SLU7: variants seen among roughly 807,000 people sequenced by gnomAD.
SLU7 encodes pre-mRNA-splicing factor SLU7.
In SLU7, 60 loss-of-function variants were observed where a neutral mutation model predicts 87.0. The observed-to-expected ratio is 0.69, with a 90% confidence interval of 0.56 to 0.86. The LOEUF is 0.86. SLU7 is among the 40% of genes least tolerant of loss of function. The probability of loss-of-function intolerance (pLI) is 0.00; values close to 1 mark genes in which losing one functional copy is unlikely to be tolerated. For missense variants in SLU7, 507 were observed against 686.6 expected, an observed-to-expected ratio of 0.74 and a Z score of 2.92; for synonymous variants, 197 against 222.0, an observed-to-expected ratio of 0.89 and a Z score of 1.00.
At chr5:160,412,339 A>G (rs140191867) in intron 6 of SLU7, 112 bp downstream of exon 6, 2 of 689,144 alleles carry the variant, frequency 2.9e-6, no homozygotes, top group Non-Finnish European at 5.0e-6. Context: ...TTTTCCCCCA[A>G]TAGCATTTCT....
In SLU7 at chr5:160,407,761, T is replaced by C; in HGVS notation, c.970A>G (p.Met324Val). ...AAACACTTACACTGTGTCTGAGCCA[T>C]TGAAATGGTATCTCCTGTGTACCTA... is the stretch of plus-strand genomic sequence containing the variant. Reference protein sequence around the residue: ...FVRYTGDTISMAQTQLFAWEA... With the variant: ...FVRYTGDTISVAQTQLFAWEA... The change falls in exon 10 of 16, where the codon ATG becomes GTG. Residue 324 changes from methionine to valine, a missense_variant. Transcript: ENST00000297151. This position sits in a 1 kb window ranked among gnomAD's most constrained non-coding sequence, Gnocchi z 4.2. 1 of 1,613,222 alleles carries C rather than the reference T, an allele frequency of 6.2e-7. No homozygotes were observed. Among genetic ancestry groups the C allele is most frequent in the Non-Finnish European group, 8.5e-7 (1 of 1,179,198 alleles).
chr5:160,406,816 A>G (rs527825103), intron 11 of SLU7, among the ~76,000 whole-genome samples, 187 bp from the exon 12 acceptor site: 1 of 152,344 alleles, frequency 6.6e-6, no homozygotes, highest in Admixed American at 6.5e-5. Flanking sequence ...CTCAGTTGCT[A>G]TTCATCTGTT....
chr5:160,416,096 A>G (rs924578666), intron 1 of SLU7, among the ~76,000 whole-genome samples: 1 of 152,014 alleles, frequency 6.6e-6, no homozygotes, highest in Non-Finnish European at 1.5e-5. Flanking sequence ...ATTTCACCAC[A>G]CTGGCCAGGC....
At chr5:160,409,277 C>T (rs1765137234) in intron 6 of SLU7, among the ~76,000 whole-genome samples, 1 of 152,016 alleles carries the variant, frequency 6.6e-6, no homozygotes, top group Non-Finnish European at 1.5e-5. Flanking sequence ...TAAGGAGAGG[C>T]CAAACTCCTT....
Position 160,413,570 on chromosome 5 carries a change from A to C in SLU7, c.456T>G (p.Asp152Glu). The C allele has an allele frequency of 1.2e-6, 2 of 1,613,976 alleles. No homozygotes were observed. The highest frequency in any genetic ancestry group is 1.7e-6 in the Non-Finnish European group (2 of 1,179,914). ...ACATCAGTTGAGGCTGGACATGTTC[A>C]TCTGGAGCTATATTAGTACCTGTAA... ...AKFTGTNIAP[D>E]EHVQPQLMFD... Residue 152 changes from aspartate (D) to glutamate (E), a missense_variant, in exon 5 of 16, where the codon GAT becomes GAG. Physicochemically the swap from Asp to Glu is conservative, Grantham distance 45. This residue lies in a region of SLU7 where 155 missense variants were observed against 154.4 expected (regional missense o/e 1.00). Transcript: ENST00000297151.
rs563463617 is a variant in SLU7 at position 160,414,500 on chromosome 5, T to C, written c.171-28A>G. The C allele has an allele frequency of 2.9e-5, 37 of 1,297,758 alleles. No individual in the cohort carries two copies. In the African/African-American group the frequency reaches 5.2e-4, roughly 18 times the overall value. 80.4% of individuals were successfully genotyped at this position (1,297,758 alleles called of 1,614,324 possible). The stretch of plus-strand genomic sequence containing the variant: ...GTAATTAAAGTAAAAAAAAAAAAAA[T>C]TTAAGGATAAAATTGGAAAATAATC... On this transcript the variant is annotated intron_variant, in intron 2 of 15. Transcript: ENST00000297151.
chr5:160,413,650 C>G (rs1445122139), intron 4 of SLU7, 30 bp from the exon 5 acceptor site: 1 of 1,585,796 alleles, frequency 6.3e-7, no homozygotes, highest in South Asian at 1.1e-5. Context: ...TAATCTTTTC[C>G]TAAGTTTTTA....
Position 160,407,627 on chromosome 5 carries a change from C to G in SLU7, c.986-12G>C, listed in dbSNP as rs1189094687. ...TTCCCATGCAAACACTAGAGTAATT[C>G]AAAACATCTTAGTGAGTTGGCAGCT... On this transcript the variant is annotated splice_polypyrimidine_tract_variant and intron_variant, in intron 10 of 15. Coordinates refer to ENST00000297151, the MANE Select transcript of SLU7 (RefSeq NM_006425.5). The surrounding 1 kb of genome is among the most constrained non-coding windows in gnomAD (Gnocchi z 4.2). 2 of 1,607,360 alleles carry G rather than the reference C, an allele frequency of 1.2e-6. No individual in the cohort carries two copies. The highest frequency in any genetic ancestry group is 1.7e-6 in the Non-Finnish European group (2 of 1,178,032).
At chr5:160,403,528 G>A in intron 15 of SLU7, 64 bp from the exon 16 acceptor site, 1 of 1,422,282 alleles carries the variant, frequency 7.0e-7, no homozygotes, top group Non-Finnish European at 9.5e-7. Flanking sequence ...TTCAAAAGTG[G>A]CAGAGTACCA....
chr5:160,413,897 A>C lies in SLU7; in HGVS notation c.405+2T>G, dbSNP rs1056545829. On this transcript the variant is annotated splice_donor_variant, in intron 4 of 15. Transcript: ENST00000297151. LOFTEE classifies it high-confidence loss of function. The stretch of plus-strand genomic sequence containing the variant: ...TTTCAAAATTTTCAAAGGTGAACTT[A>C]CCTCAAAGCAGTCTTTCTTTTTGTG... 6.3e-7 allele frequency: 1 copy of C among 1,582,222 alleles called. No homozygotes were observed. The highest frequency in any genetic ancestry group is 1.4e-5 in the African/African-American group (1 of 73,152).
At chr5:160,418,878 C>G (rs1043006874) in intron 1 of SLU7, 145 bp downstream of exon 1, 3 of 152,424 alleles carry the variant, frequency 2.0e-5, no homozygotes, top group African/African-American at 7.2e-5. Flanking sequence ...AGGACAGTGG[C>G]TTTTCGGTCC....
chr5:160,404,819 G>A lies in SLU7; in HGVS notation c.1454C>T (p.Thr485Ile). Residue 485 changes from threonine to isoleucine, a missense_variant, in exon 14 of 16, where the codon ACC (threonine) becomes ATC (isoleucine). Thr to Ile is a moderately conservative substitution (Grantham distance 89, BLOSUM62 -1). Transcript: ENST00000297151. ...TGATTATCAACTTACCTCCATGAGG[G>A]TTTGAGGTTTTTTCACAGATTCTTC... ...TGEESVKKPQ[T>I]LMELHQEKLK... The A allele has an allele frequency of 6.2e-7, 1 of 1,606,488 alleles. No individual in the cohort carries two copies. Among genetic ancestry groups the A allele is most frequent in the Non-Finnish European group, 8.5e-7 (1 of 1,173,062 alleles).
In SLU7 at chr5:160,407,712, A is replaced by G. The variant is rs770929391; in HGVS notation, c.985+34T>C. ...ACAATCCCAAACGTCTTATGAGCTG[A>G]TATAAAATGGCTTGACATAGAGGAA... On this transcript the variant is annotated intron_variant, in intron 10 of 15. Coordinates refer to ENST00000297151, the MANE Select transcript of SLU7 (RefSeq NM_006425.5). This position sits in a 1 kb window ranked among gnomAD's most constrained non-coding sequence, Gnocchi z 4.2. The G allele has an allele frequency of 1.2e-6, 2 of 1,606,368 alleles. No individual in the cohort carries two copies. The highest frequency in any genetic ancestry group is 4.5e-5 in the East Asian group (2 of 44,830).
In SLU7 at chr5:160,404,832, TCA is replaced by T. The variant is rs1325195737; in HGVS notation, c.1439_1440del (p.Val480GlufsTer35). 8.1e-6 allele frequency: 13 copies of T among 1,610,986 alleles called. No homozygotes were observed. Among genetic ancestry groups the T allele is most frequent in the Non-Finnish European group, 1.0e-5 (12 of 1,177,252 alleles). Reference protein sequence around the residue: ...IINEITGEESVKKPQTLMELH... With the variant: ...IINEITGEESXKKPQTLMELH... ...ACCTCCATGAGGGTTTGAGGTTTTT[TCA>T]CAGATTCTTCCCCAGTTATCTCATT... On this transcript the variant is annotated frameshift_variant, in exon 14 of 16. Coordinates refer to ENST00000297151, the MANE Select transcript of SLU7 (RefSeq NM_006425.5). LOFTEE classifies it high-confidence loss of function.
rs749640346 is a variant in SLU7, at chr5:160,406,495, C to T, written c.1260G>A (p.Glu420=). The change falls in exon 12 of 16, where the codon GAG becomes GAA. Residue 420 remains glutamate (E), a synonymous_variant. Transcript: ENST00000297151. ...TGTGATTGTGGATCTTCACATCCTC[C>T]TCATACTTAGAGCAGGCAACAGCCC... ...QERAVACSKY[E]EDVKIHNHTH... 2 of 1,612,184 alleles carry T rather than the reference C, an allele frequency of 1.2e-6. No homozygotes were observed. Among genetic ancestry groups the T allele is most frequent in the Non-Finnish European group, 1.7e-6 (2 of 1,179,412 alleles).
chr5:160,404,884 TG>T lies in SLU7; in HGVS notation c.1393-5del. 1 of 1,602,736 alleles carries T rather than the reference TG, an allele frequency of 6.2e-7. No homozygotes were observed. Among genetic ancestry groups the T allele is most frequent in the African/African-American group, 1.3e-5 (1 of 74,736 alleles). On this transcript the variant is annotated splice_polypyrimidine_tract_variant and splice_region_variant and intron_variant, in intron 13 of 15. Transcript: ENST00000297151. Reference sequence around the variant, plus strand: ...TTATAATACACTCCTCAGAGTTCTGTGGGAAATACATGTAATTTGAGTTGAG... The same window carrying T: ...TTATAATACACTCCTCAGAGTTCTGTGGAAATACATGTAATTTGAGTTGAG...
intron 6 of SLU7, among the ~76,000 whole-genome samples, chr5:160,409,715 A>G (rs1051159720): frequency 3.3e-5 from 5 of 152,142 alleles, no homozygotes; most frequent in African/African-American, 1.2e-4. Context: ...AATGTATTGC[A>G]CTCCATGGAA....
Position 160,408,652 on chromosome 5 carries a change from T to C in SLU7, c.685A>G (p.Met229Val), listed in dbSNP as rs1581065351. 7 of 1,560,720 alleles carry C rather than the reference T, an allele frequency of 4.5e-6. No individual in the cohort carries two copies. The East Asian group carries it at 1.4e-4, about 30-fold the overall frequency. Reference protein sequence around the residue: ...QWGEEEPNSQMEKDHNSEDED... With the variant: ...QWGEEEPNSQVEKDHNSEDED... ...CAGAGACAGCAAATATGTATTACCA[T>C]CTGAGAATTTGGTTCCTCTTCTCCC... The change falls in exon 7 of 16, where the codon ATG becomes GTG. Residue 229 changes from methionine (M) to valine (V), a missense_variant and splice_region_variant. Physicochemically the swap from Met to Val is conservative, Grantham distance 21. Around this residue, in one of 6 missense-constraint regions of SLU7, gnomAD observed 155 missense variants for 154.4 expected, o/e 1.00. Transcript: ENST00000297151.
Position 160,407,094 on chromosome 5 carries a change from G to A in SLU7, c.1125+382C>T, listed in dbSNP as rs1262681479. 6.6e-6 allele frequency among the ~76,000 whole-genome samples: 1 copy of A among 152,166 alleles called. No individual in the cohort carries two copies. Among genetic ancestry groups the A allele is most frequent in the South Asian group, 2.1e-4 (1 of 4,824 alleles). On this transcript the variant is annotated intron_variant, in intron 11 of 15. Transcript: ENST00000297151. The surrounding 1 kb of genome is among the most constrained non-coding windows in gnomAD (Gnocchi z 4.2). ...TAAAAAGCTGTGCTACCCTACTAGAGGATGAAAGACCACATGGGGTGGAGA... is the reference window on the plus strand; with the variant it reads ...TAAAAAGCTGTGCTACCCTACTAGAAGATGAAAGACCACATGGGGTGGAGA...
Sources: gnomAD v4.1 joint callset for allele counts (sites outside exome capture counted in the v4.1 genomes callset) on GRCh38, gnomAD v4.1.1 for gene constraint, gnomAD v4.1.1 regional missense constraint, Gnocchi (gnomAD v3.1) non-coding constraint, MANE v1.5 for transcripts, NCBI Gene and HGNC (gene_info 2026-07-23, HGNC 2026-07-21) for gene names.